The following CFTR variants were observed in gnomAD, a reference collection of about 807,000 sequenced individuals.
CFTR encodes CF transmembrane conductance regulator.
In CFTR, 181 loss-of-function variants were observed where a neutral mutation model predicts 171.6. That is an observed-to-expected ratio of 1.05 (90% CI 0.93 to 1.19). CFTR has a LOEUF of 1.19. CFTR is among the 50% of genes most tolerant of loss of function. CFTR has a pLI of 0.00. For synonymous variants in CFTR, 583 were observed against 608.0 expected, an observed-to-expected ratio of 0.96 and a Z score of 0.60; for missense variants, 1,968 against 1,734.7, an observed-to-expected ratio of 1.13 and a Z score of -2.39.
chr7:117,497,086 A>G (rs551826932), intron 1 of CFTR, among the ~76,000 whole-genome samples: 2 of 152,194 alleles, frequency 1.3e-5, no homozygotes, highest in African/African-American at 4.8e-5. Flanking sequence ...AATTAGTTGT[A>G]ATATGGCAAA....
rs567860028 is a variant in CFTR, at chr7:117,524,638, A to G, written c.274-6261A>G. Among the ~76,000 whole-genome samples, 4 of 152,326 alleles carry G rather than the reference A, an allele frequency of 2.6e-5. No homozygotes were observed. In the East Asian group the frequency reaches 5.8e-4, roughly 22 times the overall value. ...TTAAAAAAGTTATTTTGAAAAAAAA[A>G]TCCTCGAATCTAGAGAAAGGTTGGC... On this transcript the variant is annotated intron_variant, in intron 3 of 26. Coordinates refer to ENST00000003084, the MANE Select transcript of CFTR (RefSeq NM_000492.4).
chr7:117,540,156 C>A lies in CFTR; in HGVS notation c.926C>A (p.Ala309Asp), dbSNP rs397508818. ...TATGTGAGATACTTCAATAGCTCAG[C>A]CTTCTTCTTCTCAGGGTTCTTTGTG... ...AAYVRYFNSS[A>D]FFFSGFFVVF... The change falls in exon 8 of 27, where the codon GCC (alanine) becomes GAC (aspartate). Residue 309 changes from alanine (A) to aspartate (D), a missense_variant. Coordinates refer to ENST00000003084, the MANE Select transcript of CFTR (RefSeq NM_000492.4). 1 of 1,613,438 alleles carries A rather than the reference C, an allele frequency of 6.2e-7. No individual in the cohort carries two copies. The highest frequency in any genetic ancestry group is 8.5e-7 in the Non-Finnish European group (1 of 1,179,464).
intron 9 of CFTR, among the ~76,000 whole-genome samples, chr7:117,545,761 A>T (rs1470145697): frequency 1.3e-5 from 2 of 151,056 alleles, no homozygotes; most frequent in Non-Finnish European, 3.0e-5. Context: ...GGCTTCTGTG[A>T]CTCCAAAGCC....
chr7:117,617,178 A>G (rs1004271848), intron 21 of CFTR, among the ~76,000 whole-genome samples: 5 of 152,096 alleles, frequency 3.3e-5, no homozygotes, highest in Non-Finnish European at 7.4e-5. Context: ...AAAAATGTTT[A>G]TACTTGGAAA....
intron 21 of CFTR, among the ~76,000 whole-genome samples, chr7:117,622,653 A>C (rs1562918187): frequency 6.6e-6 from 1 of 152,174 alleles, no homozygotes; most frequent in Admixed American, 6.5e-5. Flanking sequence ...ATTTTGGGGT[A>C]TGATGGCACA....
At chr7:117,596,480 G>C (rs1350195630) in intron 15 of CFTR, among the ~76,000 whole-genome samples, 1 of 152,264 alleles carries the variant, frequency 6.6e-6, no homozygotes, top group Non-Finnish European at 1.5e-5. Flanking sequence ...GACCGCCCAA[G>C]GGCTGAGGAG....
intron 4 of CFTR, among the ~76,000 whole-genome samples, chr7:117,532,677 A>G (rs2518881): frequency 0.31 from 46,402 of 152,068 alleles, 9,424 homozygotes; most frequent in African/African-American, 0.58. Context: ...AATACAGGAT[A>G]TAGGTGCTTT....
chr7:117,522,696 C>T (rs1336365568), intron 3 of CFTR, among the ~76,000 whole-genome samples: 1 of 152,142 alleles, frequency 6.6e-6, no homozygotes, highest in African/African-American at 2.4e-5. Context: ...TGAAAATACT[C>T]TGAGTAATGG....
At chr7:117,511,858 AG>A (rs983768975) in intron 3 of CFTR, among the ~76,000 whole-genome samples, 1 of 152,134 alleles carries the variant, frequency 6.6e-6, no homozygotes, top group South Asian at 2.1e-4. Context: ...TAAGAATAAA[AG>A]GGGGGGAGAA....
Position 117,626,148 on chromosome 7 carries a change from A to T in CFTR, c.3469-1374A>T, listed in dbSNP as rs34633427. Among the ~76,000 whole-genome samples, 11 of 152,090 alleles carry T rather than the reference A, an allele frequency of 7.2e-5. No homozygotes were observed. In the East Asian group the frequency reaches 2.1e-3, roughly 29 times the overall value. On this transcript the variant is annotated intron_variant, in intron 21 of 26. Coordinates refer to ENST00000003084, the MANE Select transcript of CFTR (RefSeq NM_000492.4). ...ACTGAAGCACAGAATCACTAGAGTG[A>T]AAAAAGAACTTCACAAACAGTGCAG...
chr7:117,565,052 C>T (rs972033815), intron 11 of CFTR, among the ~76,000 whole-genome samples: 3 of 152,124 alleles, frequency 2.0e-5, no homozygotes, highest in South Asian at 4.1e-4. Context: ...TACTTTAAAA[C>T]GAGATTATAG....
rs913490011 is a variant in CFTR, at chr7:117,616,755, T to C, written c.3468+2042T>C. ...GTGTTATAATACAGTCTATGAAAAA[T>C]ATCAATATTTGCATTTGATCACATT... On this transcript the variant is annotated intron_variant, in intron 21 of 26. Transcript: ENST00000003084. Among the ~76,000 whole-genome samples, 4 of 152,146 alleles carry C rather than the reference T, an allele frequency of 2.6e-5. 1 individual carries two copies. The highest frequency in any genetic ancestry group is 9.7e-5 in the African/African-American group (4 of 41,440).
intron 23 of CFTR, among the ~76,000 whole-genome samples, chr7:117,648,117 ATTAT>A (rs1455347369): frequency 2.0e-5 from 3 of 149,494 alleles, no homozygotes; most frequent in South Asian, 2.1e-4. Flanking sequence ...GTATGTACAC[ATTAT>A]TTACCTACCT....
chr7:117,608,207 A>G (rs1426336020), intron 18 of CFTR, among the ~76,000 whole-genome samples: 1 of 149,004 alleles, frequency 6.7e-6, no homozygotes, highest in Non-Finnish European at 1.5e-5. Flanking sequence ...TTTCTGCTCA[A>G]TTTTTTTTTT....
chr7:117,602,486 T>C (rs1378071283), intron 15 of CFTR, among the ~76,000 whole-genome samples: 1 of 152,246 alleles, frequency 6.6e-6, no homozygotes, highest in East Asian at 1.9e-4. Context: ...CTGAGATTAG[T>C]TTCTTTAAAA....
At chr7:117,641,571 G>C (rs1231015543) in intron 22 of CFTR, among the ~76,000 whole-genome samples, 3 of 152,122 alleles carry the variant, frequency 2.0e-5, no homozygotes, top group Non-Finnish European at 4.4e-5. Flanking sequence ...CTGTCAGCCA[G>C]TTTTTTCAGT....
Position 117,548,653 on chromosome 7 carries a change from T to C in CFTR, c.1222T>C (p.Leu408=). 1 of 1,612,936 alleles carries C rather than the reference T, an allele frequency of 6.2e-7. No homozygotes were observed. The highest frequency in any genetic ancestry group is 1.3e-5 in the African/African-American group (1 of 74,942). Reference sequence around the variant, plus strand: ...GTTTTTTTAACAGGGATTTGGGGAATTATTTGAGAAAGCAAAACAAAACAA... The same window carrying C: ...GTTTTTTTAACAGGGATTTGGGGAACTATTTGAGAAAGCAAAACAAAACAA... ...TAFWEEGFGE[L]FEKAKQNNNN... The change falls in exon 10 of 27, where the codon TTA becomes CTA. Residue 408 remains leucine, a synonymous_variant. Transcript: ENST00000003084.
intron 11 of CFTR, among the ~76,000 whole-genome samples, chr7:117,575,542 C>T (rs2115984757): frequency 6.6e-6 from 1 of 152,202 alleles, no homozygotes; most frequent in Non-Finnish European, 1.5e-5. Context: ...CTCAAGATTT[C>T]TTGCACGTGA....
At chr7:117,592,998 A>G (rs1792059802) in intron 14 of CFTR, among the ~76,000 whole-genome samples, 1 of 152,238 alleles carries the variant, frequency 6.6e-6, no homozygotes, top group Non-Finnish European at 1.5e-5. Flanking sequence ...AAATAACTGT[A>G]TAAATAAATA....
Sources: allele counts gnomAD v4.1 joint callset (sites outside exome capture counted in the v4.1 genomes callset), GRCh38; gene constraint gnomAD v4.1.1; transcripts MANE v1.5; gene names NCBI Gene and HGNC (gene_info 2026-07-23, HGNC 2026-07-21).